The following GALNT17 variants were observed in gnomAD, a reference collection of about 807,000 sequenced individuals.
GALNT17 encodes UDP-GalNAc:polypeptide N-acetylgalactosaminyltransferase-like 3.
In GALNT17, 29 loss-of-function variants were observed where a neutral mutation model predicts 63.7. The observed-to-expected ratio is 0.46, with a 90% confidence interval of 0.34 to 0.62. The LOEUF is 0.62. Among genes scored for constraint, GALNT17 ranks in the 20% least tolerant of loss-of-function variants. GALNT17 has a pLI of 0.01. For missense variants in GALNT17, 603 were observed against 799.6 expected (o/e 0.75, Z 2.97); for synonymous variants, 305 against 318.3 (o/e 0.96, Z 0.45).
intron 1 of GALNT17, among the ~76,000 whole-genome samples, chr7:71,334,682 C>CT (rs1221067366): frequency 6.6e-6 from 1 of 152,196 alleles, no homozygotes; most frequent in African/African-American, 2.4e-5. Flanking sequence ...CTCAGTGAGG[C>CT]TTGTTACAGA....
intron 1 of GALNT17, among the ~76,000 whole-genome samples, chr7:71,174,447 G>T (rs1027264950): frequency 3.3e-5 from 5 of 152,172 alleles, no homozygotes; most frequent in African/African-American, 4.8e-5. Flanking sequence ...AGGCTGGTGT[G>T]TGTCTCACGT....
chr7:71,703,762 G>T (rs1240855549), intron 9 of GALNT17, among the ~76,000 whole-genome samples: 2 of 152,168 alleles, frequency 1.3e-5, no homozygotes, highest in African/African-American at 4.8e-5. Flanking sequence ...CTTGATTGAA[G>T]AAATGAAAGA....
At chr7:71,264,838 AG>A (rs1790458471) in intron 1 of GALNT17, among the ~76,000 whole-genome samples, 1 of 151,900 alleles carries the variant, frequency 6.6e-6, no homozygotes, top group Admixed American at 6.6e-5. Context: ...GGTGAATGGC[AG>A]GGGTAGGGTT....
intron 1 of GALNT17, among the ~76,000 whole-genome samples, chr7:71,288,716 G>C (rs1397806577): frequency 3.3e-5 from 5 of 151,980 alleles, no homozygotes; most frequent in African/African-American, 1.2e-4. Flanking sequence ...TGATGCGTGT[G>C]TTCATCTGGA....
chr7:71,256,006 T>C (rs1790282428), intron 1 of GALNT17, among the ~76,000 whole-genome samples: 1 of 152,160 alleles, frequency 6.6e-6, no homozygotes, highest in African/African-American at 2.4e-5. Flanking sequence ...ACTCTTTAAT[T>C]CTGAAAAGAA....
intron 2 of GALNT17, among the ~76,000 whole-genome samples, chr7:71,347,272 C>T (rs1792112880): frequency 6.6e-6 from 1 of 152,184 alleles, no homozygotes; most frequent in Non-Finnish European, 1.5e-5. Flanking sequence ...AACTTCTAAT[C>T]TCAGCTTTGT....
intron 1 of GALNT17, among the ~76,000 whole-genome samples, chr7:71,188,724 T>A (rs1203741154): frequency 3.3e-5 from 5 of 152,198 alleles, no homozygotes; most frequent in Non-Finnish European, 7.3e-5. Context: ...GCAAAAGCTC[T>A]TTAGTTTAAT....
intron 6 of GALNT17, among the ~76,000 whole-genome samples, chr7:71,627,304 C>T (rs1041463959): frequency 1.3e-5 from 2 of 152,326 alleles, no homozygotes; most frequent in Middle Eastern, 3.4e-3. Flanking sequence ...GTTACCCACA[C>T]TGGAGCAACA....
intron 6 of GALNT17, among the ~76,000 whole-genome samples, chr7:71,641,854 C>A (rs1011957166): frequency 6.6e-6 from 1 of 152,118 alleles, no homozygotes; most frequent in Non-Finnish European, 1.5e-5. Context: ...GATGCTGCTG[C>A]TGCTGCTGAT....
At chr7:71,258,112 A>G (rs895485015) in intron 1 of GALNT17, among the ~76,000 whole-genome samples, 7 of 152,216 alleles carry the variant, frequency 4.6e-5, no homozygotes, top group African/African-American at 1.4e-4. Flanking sequence ...CCTTGCACTC[A>G]CATGAGCTGA....
At position 71,149,809 on chromosome 7, in the gene GALNT17, C is replaced by G. The variant is rs1159817761; in HGVS notation, c.238+16769C>G. 6.6e-5 allele frequency among the ~76,000 whole-genome samples: 10 copies of G among 152,334 alleles called. No homozygotes were observed. The East Asian group carries it at 1.9e-3, about 29-fold the overall frequency. The stretch of plus-strand genomic sequence containing the variant: ...AGCAAGCCTCAGGCAAGTTTTGTTC[C>G]TTGACTTCTGCCCCGTGTCCTTCCT... On this transcript the variant is annotated intron_variant, in intron 1 of 10. Coordinates refer to ENST00000333538, the MANE Select transcript of GALNT17 (RefSeq NM_022479.3).
chr7:71,655,033 G>T, intron 6 of GALNT17, among the ~76,000 whole-genome samples: 1 of 152,022 alleles, frequency 6.6e-6, no homozygotes, highest in East Asian at 1.9e-4. Context: ...CAGGTGATCC[G>T]CCCACCTCAG....
intron 5 of GALNT17, among the ~76,000 whole-genome samples, chr7:71,425,398 A>G (rs1393238602): frequency 6.6e-6 from 1 of 151,802 alleles, no homozygotes; most frequent in Non-Finnish European, 1.5e-5. Flanking sequence ...AATTTTTTGT[A>G]TTTTTAGTAG....
At chr7:71,246,776 C>T (rs1208460975) in intron 1 of GALNT17, among the ~76,000 whole-genome samples, 4 of 151,720 alleles carry the variant, frequency 2.6e-5, no homozygotes, top group Non-Finnish European at 5.9e-5. Flanking sequence ...TTGCAGTGAG[C>T]TGAGAACGCG....
rs1378061150 is a variant in GALNT17, at chr7:71,572,512, A to AC, written c.1080+1110_1080+1111insC. ...GCAAGACCCTGTCTCATTAAAAAAAAAAAAAAAAAAAAAAAAAACTACATG... is the reference window on the plus strand; with the variant it reads ...GCAAGACCCTGTCTCATTAAAAAAAACAAAAAAAAAAAAAAAAAACTACATG... On this transcript the variant is annotated intron_variant, in intron 6 of 10. Transcript: ENST00000333538. 1.3e-3 allele frequency among the ~76,000 whole-genome samples: 159 copies of AC among 121,158 alleles called. 1 individual carries two copies. The highest frequency in any genetic ancestry group is 5.5e-3 in the South Asian group (21 of 3,830). 79.5% of individuals were successfully genotyped at this position (121,158 alleles called of 152,430 possible).
intron 5 of GALNT17, among the ~76,000 whole-genome samples, chr7:71,448,919 C>A (rs1450582294): frequency 6.6e-6 from 1 of 151,756 alleles, no homozygotes; most frequent in Non-Finnish European, 1.5e-5. Context: ...GGGGTAATGA[C>A]TGGGAGAGTG....
intron 2 of GALNT17, among the ~76,000 whole-genome samples, chr7:71,377,109 AAAAAAATATATATAT>A (rs1563047527): frequency 1.4e-5 from 1 of 72,840 alleles, no homozygotes; most frequent in Non-Finnish European, 2.6e-5. Context: ...AATAAAAATA[AAAAAAATATATATAT>A]ATATATATAT....
intron 5 of GALNT17, among the ~76,000 whole-genome samples, chr7:71,454,037 T>C (rs1382065049): frequency 6.6e-6 from 1 of 152,186 alleles, no homozygotes; most frequent in Non-Finnish European, 1.5e-5. Context: ...ATATCACAAC[T>C]TAATATGTCC....
chr7:71,440,802 T>C (rs953510473), intron 5 of GALNT17, among the ~76,000 whole-genome samples: 2 of 152,278 alleles, frequency 1.3e-5, no homozygotes, highest in East Asian at 3.9e-4. Context: ...CCAAACAGCC[T>C]TTTTTGTTTA....
Sources: gnomAD v4.1 joint callset for allele counts (sites outside exome capture counted in the v4.1 genomes callset) on GRCh38, gnomAD v4.1.1 for gene constraint, MANE v1.5 for transcripts, NCBI Gene and HGNC (gene_info 2026-07-23, HGNC 2026-07-21) for gene names.